The following MAJIN variants were observed in gnomAD, a reference collection of about 807,000 sequenced individuals.
MAJIN encodes membrane anchored junction protein.
MAJIN carries 27 observed loss-of-function variants against 30.2 expected under a neutral mutation model. The observed-to-expected ratio is 0.89, with a 90% CI of 0.66 to 1.23. The LOEUF (loss-of-function observed/expected upper bound fraction) is 1.23, where lower values mean the gene tolerates loss of function less well. Ranked by LOEUF, MAJIN falls within the 50% of genes most tolerant of loss-of-function variation. The pLI, the probability that MAJIN is intolerant of heterozygous loss-of-function variation, is 0.00. For missense variants in MAJIN, 253 were observed against 260.3 expected, an observed-to-expected ratio of 0.97 and a Z score of 0.19; for synonymous variants, 78 against 91.6, an observed-to-expected ratio of 0.85 and a Z score of 0.85.
Position 64,947,354 on chromosome 11 carries a change from T to G in MAJIN, c.473+20A>C, listed in dbSNP as rs1340545014. On this transcript the variant is annotated intron_variant, in intron 8 of 10. Coordinates refer to ENST00000301896, the MANE Select transcript of MAJIN (RefSeq NM_001037225.3). ...CCTAACTAGGACGCAGGAGCGAGCC[T>G]CTCTCCCCACACCACTGACCTGTCC... 4.4e-6 allele frequency: 7 copies of G among 1,597,472 alleles called. No individual in the cohort carries two copies. Among genetic ancestry groups the G allele is most frequent in the Non-Finnish European group, 6.0e-6 (7 of 1,173,148 alleles).
At chr11:64,953,432 C>T (rs545228769) in intron 4 of MAJIN, among the ~76,000 whole-genome samples, 3 of 152,234 alleles carry the variant, frequency 2.0e-5, no homozygotes, top group South Asian at 4.1e-4. Flanking sequence ...GTTATGCTTC[C>T]GTGAGCTTTT....
At position 64,951,624 on chromosome 11, in the gene MAJIN, G is replaced by C. The variant is rs181796127; in HGVS notation, c.148-1194C>G. On this transcript the variant is annotated intron_variant, in intron 4 of 10. Transcript: ENST00000301896. ...TACAAAAAATACAAAAATGAGTTGGGTGTGGTGGCACACGCCAGTAGTCCC... is the reference window on the plus strand; with the variant it reads ...TACAAAAAATACAAAAATGAGTTGGCTGTGGTGGCACACGCCAGTAGTCCC... Among the ~76,000 whole-genome samples the C allele has an allele frequency of 1.2e-4, 19 of 152,276 alleles. No homozygotes were observed. In the East Asian group the frequency reaches 3.7e-3, roughly 29 times the overall value.
intron 3 of MAJIN, among the ~76,000 whole-genome samples, chr11:64,957,494 C>T (rs1189007318): frequency 1.3e-5 from 2 of 152,186 alleles, no homozygotes; most frequent in Non-Finnish European, 2.9e-5. Flanking sequence ...GCCTCTGCCT[C>T]CCAGGTTGAA....
intron 9 of MAJIN, among the ~76,000 whole-genome samples, chr11:64,940,264 C>T (rs1350543791): frequency 1.3e-5 from 2 of 152,240 alleles, no homozygotes; most frequent in African/African-American, 4.8e-5. Flanking sequence ...ACACAACCCT[C>T]TCAACATTTC....
intron 7 of MAJIN, 62 bp from the exon 8 acceptor site, chr11:64,947,527 G>A: frequency 6.6e-7 from 1 of 1,512,662 alleles, no homozygotes; most frequent in South Asian, 1.1e-5. Flanking sequence ...GTTCATGAAG[G>A]CACAGTGAAG....
At chr11:64,963,346 A>G (rs1236779673) in intron 1 of MAJIN, among the ~76,000 whole-genome samples, 2 of 152,224 alleles carry the variant, frequency 1.3e-5, no homozygotes, top group African/African-American at 2.4e-5. Context: ...GGTTTTGGTA[A>G]TTTGCTTCAC....
intron 1 of MAJIN, among the ~76,000 whole-genome samples, chr11:64,970,361 CTTTTTT>C (rs1196525730): frequency 1.1e-4 from 7 of 66,052 alleles, no homozygotes; most frequent in East Asian, 3.9e-4. Flanking sequence ...AAGACTCCGT[CTTTTTT>C]TTTTTTTTTT....
At chr11:64,956,417 AGGTGGAG>A (rs1419389755) in intron 3 of MAJIN, among the ~76,000 whole-genome samples, 3 of 152,236 alleles carry the variant, frequency 2.0e-5, no homozygotes, top group Middle Eastern at 3.4e-3. Context: ...TCAACCCGGG[AGGTGGAG>A]GTTGCAGTGA....
intron 4 of MAJIN, among the ~76,000 whole-genome samples, 178 bp from the exon 5 acceptor site, chr11:64,950,608 G>A (rs566294597): frequency 6.6e-6 from 1 of 151,806 alleles, no homozygotes; most frequent in African/African-American, 2.4e-5. Context: ...TTTTGAGAGA[G>A]TCGTGCTTTG....
rs551011065 is a variant in MAJIN at position 64,960,089 on chromosome 11, T to C, written c.-18A>G. 6.6e-6 allele frequency: 1 copy of C among 152,324 alleles called. No individual in the cohort carries two copies. The highest frequency in any genetic ancestry group is 1.5e-5 in the Non-Finnish European group (1 of 68,030). The allele number at this position is 152,324 out of a possible 1,614,324, so 9.4% of individuals were successfully genotyped here. A position where few individuals can be genotyped will look rare whatever the true frequency, so the allele number is the denominator to read the frequency against. ...TGCCTACTATACCCCTAGCACTTAC[T>C]GTTTTATTTCTCCTGTTCTAGAATC... On this transcript the variant is annotated splice_region_variant and 5_prime_UTR_variant, in exon 2 of 11. Transcript: ENST00000301896.
rs1446435587 is a variant in MAJIN at position 64,959,310 on chromosome 11, AC to A, written c.95del (p.Ser32IlefsTer7). The A allele has an allele frequency of 6.2e-6, 10 of 1,610,572 alleles. No homozygotes were observed. In the Admixed American group the frequency reaches 1.7e-4, roughly 27 times the overall value. On this transcript the variant is annotated frameshift_variant, in exon 3 of 11. Transcript: ENST00000301896. LOFTEE classifies it high-confidence loss of function. ...VYKFKIRYGK[S>X]IRGEEIENKE... ...CCTCCTACCTTTGAAATTACCTGAT[AC>A]TCTTCCCATATCTGATTTTGAATTT...
intron 1 of MAJIN, among the ~76,000 whole-genome samples, chr11:64,960,759 A>G (rs533781630): frequency 1.1e-3 from 167 of 152,304 alleles, no homozygotes; most frequent in African/African-American, 3.8e-3. Context: ...AAACTCTTCC[A>G]TGGTAGAGTC....
At chr11:64,954,576 G>C (rs547931327) in intron 4 of MAJIN, 181 bp downstream of exon 4, 2 of 715,044 alleles carry the variant, frequency 2.8e-6, no homozygotes, top group African/African-American at 3.5e-5. Flanking sequence ...AACTGAGAAA[G>C]AATACAGGCT....
At chr11:64,940,770 C>A in intron 8 of MAJIN, 124 bp from the exon 9 acceptor site, 1 of 725,550 alleles carries the variant, frequency 1.4e-6, no homozygotes, top group Non-Finnish European at 2.3e-6. Flanking sequence ...ACTGCCTAGA[C>A]AGGTTCTATA....
At chr11:64,954,835 C>A (rs759610665) in intron 3 of MAJIN, 33 bp from the exon 4 acceptor site, 2 of 1,578,954 alleles carry the variant, frequency 1.3e-6, no homozygotes, top group Non-Finnish European at 1.7e-6. Context: ...ACAAGTAAGA[C>A]ATGAAGGAAA....
chr11:64,960,244 A>G (rs1266715302), intron 1 of MAJIN, 109 bp from the exon 2 acceptor site: 1 of 152,226 alleles, frequency 6.6e-6, no homozygotes, highest in Non-Finnish European at 1.5e-5. Context: ...AAGTATAAAA[A>G]TTACATGGTA....
rs938388683 is a variant in MAJIN at position 64,972,034 on chromosome 11, C to G, written c.-222G>C. The G allele has an allele frequency of 6.6e-6, 1 of 152,262 alleles. No homozygotes were observed. The highest frequency in any genetic ancestry group is 2.4e-5 in the African/African-American group (1 of 41,476). The allele number at this position is 152,262 out of a possible 1,614,324, so 9.4% of individuals were successfully genotyped here. A position where few individuals can be genotyped will look rare whatever the true frequency, so the allele number is the denominator to read the frequency against. On this transcript the variant is annotated 5_prime_UTR_variant, in exon 1 of 11. Transcript: ENST00000301896. ...CCTCGAACGAAGTCGTTTTGAGGGA[C>G]TGGCTCGCCAGCTCCTAAGCAACTT... is the stretch of plus-strand genomic sequence containing the variant.
intron 1 of MAJIN, among the ~76,000 whole-genome samples, chr11:64,969,898 T>C (rs1201070009): frequency 2.0e-5 from 3 of 152,240 alleles, no homozygotes; most frequent in East Asian, 3.9e-4. Context: ...CACCATTTTC[T>C]GAAAACAGGA....
intron 1 of MAJIN, among the ~76,000 whole-genome samples, chr11:64,967,113 A>T (rs898576860): frequency 6.6e-6 from 1 of 151,148 alleles, no homozygotes; most frequent in Admixed American, 6.6e-5. Context: ...GTATCATATA[A>T]AAAAAAGAAA....
Sources: allele counts gnomAD v4.1 joint callset (sites outside exome capture counted in the v4.1 genomes callset), GRCh38; gene constraint gnomAD v4.1.1; transcripts MANE v1.5; gene names NCBI Gene and HGNC (gene_info 2026-07-23, HGNC 2026-07-21).